RPAP1: variants seen among roughly 807,000 people sequenced by gnomAD.
RPAP1 encodes RNA polymerase II associated protein 1.
RPAP1 carries 109 observed loss-of-function variants against 142.4 expected under a neutral mutation model. The ratio of observed to expected loss-of-function variants is 0.77; its 90% CI spans 0.66 to 0.90. The LOEUF is 0.90. Ranked by LOEUF, RPAP1 falls within the 40% of genes least tolerant of loss-of-function variation. The pLI is 0.00. For missense variants in RPAP1, 1,546 were observed against 1,751.7 expected (o/e 0.88, Z 2.10); for synonymous variants, 704 against 738.9 (o/e 0.95, Z 0.77).
chr15:41,521,696 C>T lies in RPAP1; in HGVS notation c.3038+42G>A, dbSNP rs1393172530. On this transcript the variant is annotated intron_variant, in intron 21 of 24. Coordinates refer to ENST00000304330, the MANE Select transcript of RPAP1 (RefSeq NM_015540.4). ...GCTGCTCTGTTAACAACTGCAGCAG[C>T]GTCCAAAAGGGCTGAGTTGATGCCA... 8.7e-6 allele frequency: 14 copies of T among 1,605,616 alleles called. No homozygotes were observed. The South Asian group carries it at 1.2e-4, about 14-fold the overall frequency.
chr15:41,526,851 A>C, intron 14 of RPAP1, 47 bp downstream of exon 14: 1 of 1,553,026 alleles, frequency 6.4e-7, no homozygotes, highest in Non-Finnish European at 8.7e-7. Flanking sequence ...TCCCAACCCA[A>C]CCCTGTCCCA....
intron 14 of RPAP1, 76 bp from the exon 15 acceptor site, chr15:41,525,224 T>A: frequency 7.3e-7 from 1 of 1,378,756 alleles, no homozygotes; most frequent in Non-Finnish European, 9.7e-7. Context: ...GGACAGAGAG[T>A]GGCTTAACTC....
intron 2 of RPAP1, 87 bp downstream of exon 2, chr15:41,536,856 ATG>A (rs1180932093): frequency 6.8e-7 from 1 of 1,464,618 alleles, no homozygotes; most frequent in Non-Finnish European, 9.3e-7. Flanking sequence ...AATAATAATG[ATG>A]TGTCTGAATC....
rs149467848 is a variant in RPAP1, at chr15:41,527,905, G to A, written c.1383C>T (p.Thr461=). The A allele has an allele frequency of 4.8e-5, 78 of 1,613,946 alleles. No individual in the cohort carries two copies. The highest frequency in any genetic ancestry group is 3.1e-4 in the African/African-American group (23 of 74,874). Residue 461 remains threonine, a synonymous_variant, in exon 11 of 25, where the codon ACC becomes ACT. Transcript: ENST00000304330. The part of the protein sequence containing the change: ...LDDRVDGVIA[T]AIRALRALLV... ...GCAGAGCCCGAAGAGCACGGATGGC[G>A]GTTGCAATGACCCCATCCACTCTGT...
rs763634599 is a variant in RPAP1, at chr15:41,523,315, G to A, written c.2476C>T (p.Arg826Cys). 7.4e-6 allele frequency: 12 copies of A among 1,611,730 alleles called. No individual in the cohort carries two copies. Among genetic ancestry groups the A allele is most frequent in the East Asian group, 2.2e-5 (1 of 44,850 alleles). Reference sequence around the variant, plus strand: ...GGCAGCAGCAGCTCCTCTGACAGGCGCTGCATGTCCTGGAGCCAATCCTCC... The same window carrying A: ...GGCAGCAGCAGCTCCTCTGACAGGCACTGCATGTCCTGGAGCCAATCCTCC... ...CPEDWLQDMQ[R>C]LSEELLLPLL... The change falls in exon 18 of 25, where the codon CGC becomes TGC. Residue 826 changes from arginine to cysteine, a missense_variant. By Grantham distance (180) the Arg-to-Cys change is radical. Transcript: ENST00000304330.
In RPAP1 at chr15:41,525,152, G is replaced by GAA. The variant is rs1419066225; in HGVS notation, c.1918-6_1918-5dup. The GAA allele has an allele frequency of 1.2e-6, 2 of 1,604,618 alleles. No homozygotes were observed. Among genetic ancestry groups the GAA allele is most frequent in the Non-Finnish European group, 1.7e-6 (2 of 1,175,456 alleles). On this transcript the variant is annotated splice_polypyrimidine_tract_variant and splice_region_variant and intron_variant, in intron 14 of 24. Transcript: ENST00000304330. Reference sequence around the variant, plus strand: ...TCCGGAGATCAAAGCTGCTCAACTGGAAATGGGCACAGTCTGAGGATCAGG... The same window carrying GAA: ...TCCGGAGATCAAAGCTGCTCAACTGGAAAAATGGGCACAGTCTGAGGATCAGG...
chr15:41,521,627 C>T (rs1207310324), intron 21 of RPAP1, 111 bp downstream of exon 21: 8 of 1,225,010 alleles, frequency 6.5e-6, no homozygotes, highest in East Asian at 2.5e-5. Context: ...TAAGTGTCGT[C>T]GGTGGAAGAA....
chr15:41,539,213 G>A (rs1290152038), intron 1 of RPAP1, among the ~76,000 whole-genome samples: 4 of 151,594 alleles, frequency 2.6e-5, no homozygotes, highest in African/African-American at 9.7e-5. Context: ...GGCTTAAGCC[G>A]TCCTCCCACC....
chr15:41,522,227 C>G lies in RPAP1; in HGVS notation c.2766G>C (p.Pro922=), dbSNP rs141635646. ...ACTGGAGGAAGTAATTCTGGAGTCC[C>G]GGGGCAGCCAATATGGCAGCCAGCT... is the stretch of plus-strand genomic sequence containing the variant. ...CGQLAAILAA[P]GLQNYFLQCV... is the part of the protein sequence containing the mutation. Residue 922 remains proline, a synonymous_variant, in exon 20 of 25, where the codon CCG becomes CCC. Coordinates refer to ENST00000304330, the MANE Select transcript of RPAP1 (RefSeq NM_015540.4). 2 of 1,613,310 alleles carry G rather than the reference C, an allele frequency of 1.2e-6. No individual in the cohort carries two copies. Among genetic ancestry groups the G allele is most frequent in the Non-Finnish European group, 8.5e-7 (1 of 1,179,918 alleles).
chr15:41,541,073 C>A (rs1037198256), intron 1 of RPAP1, among the ~76,000 whole-genome samples: 1 of 145,956 alleles, frequency 6.9e-6, no homozygotes, highest in Admixed American at 6.9e-5. Flanking sequence ...CTGAACCAGA[C>A]CTTGAAGGAT....
chr15:41,528,600 A>G (rs1283132254), intron 9 of RPAP1, among the ~76,000 whole-genome samples: 1 of 152,166 alleles, frequency 6.6e-6, no homozygotes, highest in Admixed American at 6.6e-5. Flanking sequence ...AATTGGTCTC[A>G]GTGGATGGGT....
rs1243981253 is a variant in RPAP1 at position 41,520,528 on chromosome 15, C to A, written c.3658G>T (p.Ala1220Ser). 9 of 1,614,036 alleles carry A rather than the reference C, an allele frequency of 5.6e-6. No homozygotes were observed. Among genetic ancestry groups the A allele is most frequent in the Admixed American group, 1.7e-5 (1 of 59,996 alleles). ...AAGAGGTGGTCCCCAAAAGAGACAG[C>A]CTCAAAATGATCCAGGAAGTTGGCA... ...LYANFLDHFE[A>S]VSFGDHLFGA... The change falls in exon 22 of 25, where the codon GCT becomes TCT. Residue 1220 changes from alanine to serine, a missense_variant. Ala to Ser is a moderately conservative substitution (Grantham distance 99, BLOSUM62 1). Transcript: ENST00000304330.
At chr15:41,535,746 C>A (rs1279004305) in intron 4 of RPAP1, 114 bp from the exon 5 acceptor site, 3 of 1,415,562 alleles carry the variant, frequency 2.1e-6, no homozygotes, top group Non-Finnish European at 2.9e-6. Context: ...TGCTCAATTT[C>A]CAGGGATCAC....
intron 6 of RPAP1, among the ~76,000 whole-genome samples, chr15:41,531,403 A>C (rs1446611873): frequency 6.6e-6 from 1 of 151,642 alleles, no homozygotes; most frequent in African/African-American, 2.4e-5. Flanking sequence ...CACTAGGCCC[A>C]CCTGCCCACC....
At chr15:41,532,567 T>C (rs1045865098) in intron 6 of RPAP1, among the ~76,000 whole-genome samples, 1 of 152,106 alleles carries the variant, frequency 6.6e-6, no homozygotes, top group South Asian at 2.1e-4. Flanking sequence ...AGGCATAGCA[T>C]AGAACAGTAT....
chr15:41,518,283 G>A, intron 22 of RPAP1, 101 bp from the exon 23 acceptor site: 1 of 991,510 alleles, frequency 1.0e-6, no homozygotes, highest in Non-Finnish European at 1.5e-6. Flanking sequence ...CATGAGGGCA[G>A]AGATCAGGTC....
At chr15:41,530,433 C>T (rs2051836250) in intron 7 of RPAP1, among the ~76,000 whole-genome samples, 1 of 152,190 alleles carries the variant, frequency 6.6e-6, no homozygotes, top group Admixed American at 6.5e-5. Flanking sequence ...CATTTTCCTC[C>T]TTCACGCCTA....
intron 8 of RPAP1, 114 bp downstream of exon 8, chr15:41,529,750 G>C (rs2051829105): frequency 1.2e-6 from 1 of 867,528 alleles, no homozygotes; most frequent in East Asian, 2.6e-5. Flanking sequence ...GAGCAAAGGA[G>C]AGATGCTTCT....
intron 6 of RPAP1, 92 bp from the exon 7 acceptor site, chr15:41,531,294 G>A: frequency 1.5e-6 from 2 of 1,312,250 alleles, no homozygotes; most frequent in Non-Finnish European, 2.1e-6. Context: ...CCTGTCTGTG[G>A]GTGCCAAGGA....
Sources: allele counts gnomAD v4.1 joint callset (sites outside exome capture counted in the v4.1 genomes callset), GRCh38; gene constraint gnomAD v4.1.1; transcripts MANE v1.5; gene names NCBI Gene and HGNC (gene_info 2026-07-23, HGNC 2026-07-21).